Variants in PTPRA observed in about 807,000 individuals in gnomAD.
PTPRA encodes the protein receptor-type tyrosine-protein phosphatase alpha.
A neutral mutation model predicts 104.8 loss-of-function variants in PTPRA; 25 were observed. That is an observed-to-expected ratio of 0.24 (90% confidence interval 0.17 to 0.33). The LOEUF (loss-of-function observed/expected upper bound fraction) is 0.33, where lower values mean the gene tolerates loss of function less well. Ranked by LOEUF, PTPRA falls within the 10% of genes least tolerant of loss-of-function variation. PTPRA has a pLI of 1.00. For synonymous variants in PTPRA, 323 were observed against 368.9 expected (o/e 0.88, Z 1.43); for missense variants, 765 against 1,015.3 (o/e 0.75, Z 3.35).
At chr20:2,870,346 C>T (rs1335705339), upstream of PTPRA, among the ~76,000 whole-genome samples, 1 of 151,496 alleles carries the variant, frequency 6.6e-6, no homozygotes, top group Non-Finnish European at 1.5e-5. Flanking sequence ...CAAGCCTGGG[C>T]AACAAGAGCA....
At chr20:2,876,226 T>A (rs913510400) in intron 1 of PTPRA, among the ~76,000 whole-genome samples, 4 of 152,134 alleles carry the variant, frequency 2.6e-5, no homozygotes, top group Non-Finnish European at 4.4e-5. Context: ...CTGCTCAATT[T>A]TGGGAAAAGA....
intron 6 of PTPRA, among the ~76,000 whole-genome samples, chr20:2,981,264 G>C (rs1459503141): frequency 6.6e-6 from 1 of 152,148 alleles, no homozygotes; most frequent in Non-Finnish European, 1.5e-5. Context: ...TTTATGTTAA[G>C]AATCTTGATC....
chr20:2,984,822 C>T (rs948701965), intron 6 of PTPRA, among the ~76,000 whole-genome samples: 5 of 152,172 alleles, frequency 3.3e-5, no homozygotes, highest in Non-Finnish European at 5.9e-5. Flanking sequence ...GAAAGCTCTT[C>T]ACCCAGATCT....
chr20:2,947,813 G>A (rs948579172), intron 2 of PTPRA, among the ~76,000 whole-genome samples, 169 bp from the exon 3 acceptor site: 8 of 152,134 alleles, frequency 5.3e-5, no homozygotes, highest in Admixed American at 4.6e-4. Context: ...ATGGTGACTT[G>A]CAGCCTAATT....
rs2089528897 is a variant in PTPRA at position 2,873,962 on chromosome 20, G to T, written c.-129+202G>T. Among the ~76,000 whole-genome samples the T allele has an allele frequency of 6.6e-6, 1 of 152,174 alleles. No individual in the cohort carries two copies. Among genetic ancestry groups the T allele is most frequent in the South Asian group, 2.1e-4 (1 of 4,832 alleles). ...TCGCGGGGAGGGGGTCCCCGGAAAC[G>T]TGCCGGCCCGAGTGCCGACCCCTCG... On this transcript the variant is annotated intron_variant, in intron 1 of 23. Transcript: ENST00000399903. The surrounding 1 kb of genome is among the most constrained non-coding windows in gnomAD (Gnocchi z 4.4).
intron 3 of PTPRA, among the ~76,000 whole-genome samples, chr20:2,951,866 C>T (rs942915979): frequency 1.3e-5 from 2 of 152,092 alleles, no homozygotes; most frequent in Non-Finnish European, 2.9e-5. Context: ...TAAGGCTGGG[C>T]GCGGTGGCTC....
chr20:2,989,820 A>G (rs1041088896), intron 9 of PTPRA, among the ~76,000 whole-genome samples: 21 of 152,244 alleles, frequency 1.4e-4, no homozygotes, highest in Middle Eastern at 3.4e-3. Context: ...GATCGAGACC[A>G]TCCTGGCTAA....
At chr20:2,896,019 A>G (rs2058983993) in intron 1 of PTPRA, among the ~76,000 whole-genome samples, 1 of 151,992 alleles carries the variant, frequency 6.6e-6, no homozygotes. Flanking sequence ...CTTATTTTCA[A>G]ATAGGTTTTT....
chr20:3,037,481 C>T lies in PTPRA; in HGVS notation c.2334+192C>T, dbSNP rs2065855887. 6.6e-6 allele frequency among the ~76,000 whole-genome samples: 1 copy of T among 152,170 alleles called. No homozygotes were observed. The highest frequency in any genetic ancestry group is 2.4e-5 in the African/African-American group (1 of 41,440). On this transcript the variant is annotated intron_variant, in intron 23 of 23. Coordinates refer to ENST00000399903, the MANE Select transcript of PTPRA (RefSeq NM_001385305.1). The surrounding 1 kb of genome is among the most constrained non-coding windows in gnomAD (Gnocchi z 4.3). ...GATGGCAGCAATGGGAGCATAGCCC[C>T]TGTTGCCAGAGGTTGGGCCAGGTTA... is the stretch of plus-strand genomic sequence containing the variant.
At chr20:2,913,197 G>A (rs1156668502) in intron 1 of PTPRA, among the ~76,000 whole-genome samples, 2 of 151,982 alleles carry the variant, frequency 1.3e-5, no homozygotes, top group African/African-American at 4.8e-5. Context: ...CCAACATGAT[G>A]AAAACCTGTC....
At chr20:3,018,075 A>T (rs1409593917) in intron 13 of PTPRA, among the ~76,000 whole-genome samples, 162 bp downstream of exon 13, 1 of 152,210 alleles carries the variant, frequency 6.6e-6, no homozygotes, top group African/African-American at 2.4e-5. Context: ...GAAGCCCCAG[A>T]TATGAACCTC....
intron 5 of PTPRA, among the ~76,000 whole-genome samples, chr20:2,968,444 C>G (rs1275741211): frequency 6.7e-6 from 1 of 150,218 alleles, no homozygotes; most frequent in African/African-American, 2.5e-5. Flanking sequence ...GAGCCTTGAT[C>G]TTGCATTTCT....
chr20:2,974,994 T>G (rs1211667875), intron 5 of PTPRA, among the ~76,000 whole-genome samples: 6 of 152,162 alleles, frequency 3.9e-5, no homozygotes, highest in African/African-American at 1.4e-4. Flanking sequence ...TTCTCATACT[T>G]TTTATGAATA....
At chr20:3,000,625 A>G (rs1485817746) in intron 9 of PTPRA, among the ~76,000 whole-genome samples, 1 of 152,226 alleles carries the variant, frequency 6.6e-6, no homozygotes, top group East Asian at 1.9e-4. Flanking sequence ...TTAACTGTAA[A>G]CAACCCAAAT....
chr20:2,922,269 G>T (rs2060124196), intron 1 of PTPRA, among the ~76,000 whole-genome samples: 1 of 152,128 alleles, frequency 6.6e-6, no homozygotes, highest in South Asian at 2.1e-4. Flanking sequence ...ACACCCCTGT[G>T]AAACATCTTG....
At chr20:2,949,846 TG>T (rs2061294594) in intron 3 of PTPRA, among the ~76,000 whole-genome samples, 1 of 152,132 alleles carries the variant, frequency 6.6e-6, no homozygotes, top group South Asian at 2.1e-4. Context: ...TCAGTTGAAA[TG>T]GTTGTATGAA....
intron 1 of PTPRA, among the ~76,000 whole-genome samples, chr20:2,896,392 AAAAAC>A (rs1381219288): frequency 6.6e-6 from 1 of 152,206 alleles, no homozygotes; most frequent in Admixed American, 6.5e-5. Flanking sequence ...AACAAAAACA[AAAAAC>A]AAACGAAAAC....
intron 6 of PTPRA, among the ~76,000 whole-genome samples, chr20:2,984,050 C>T (rs919110384): frequency 2.0e-5 from 3 of 151,696 alleles, no homozygotes; most frequent in African/African-American, 7.3e-5. Context: ...AGGAGTGTTT[C>T]GTTGTGGAAA....
chr20:2,904,561 C>T (rs918743671), intron 1 of PTPRA, among the ~76,000 whole-genome samples: 2 of 148,504 alleles, frequency 1.3e-5, no homozygotes, highest in Admixed American at 6.9e-5. Context: ...CCCAGCTACT[C>T]GGGAGGCTGA....
Sources: allele counts gnomAD v4.1 joint callset (sites outside exome capture counted in the v4.1 genomes callset), GRCh38; gene constraint gnomAD v4.1.1; non-coding constraint Gnocchi (gnomAD v3.1); transcripts MANE v1.5; gene names NCBI Gene and HGNC (gene_info 2026-07-23, HGNC 2026-07-21).